Variants in ANKS1B observed in about 807,000 individuals in gnomAD.
ANKS1B encodes ankyrin repeat and sterile alpha motif domain containing 1B.
ANKS1B carries 36 observed loss-of-function variants against 148.3 expected under a neutral mutation model. The ratio of observed to expected loss-of-function variants is 0.24; its 90% CI spans 0.19 to 0.32. The LOEUF is 0.32. ANKS1B is among the 10% of genes least tolerant of loss of function. ANKS1B has a pLI of 1.00. For missense variants in ANKS1B, 1,157 were observed against 1,542.6 expected, an observed-to-expected ratio of 0.75 and a Z score of 4.19; for synonymous variants, 542 against 560.8, an observed-to-expected ratio of 0.97 and a Z score of 0.47.
At chr12:99,621,832 C>T (rs1422016402) in intron 9 of ANKS1B, among the ~76,000 whole-genome samples, 1 of 138,318 alleles carries the variant, frequency 7.2e-6, no homozygotes, top group Admixed American at 7.8e-5. Flanking sequence ...ATCCCACTGA[C>T]AGCATTAGAC....
intron 14 of ANKS1B, among the ~76,000 whole-genome samples, chr12:99,215,679 AG>A (rs2084052867): frequency 6.6e-6 from 1 of 152,230 alleles, no homozygotes; most frequent in African/African-American, 2.4e-5. Flanking sequence ...TGGGGCCTGT[AG>A]CCCCCTTGTT....
chr12:99,045,203 T>A (rs961601224), intron 17 of ANKS1B, among the ~76,000 whole-genome samples: 3 of 152,156 alleles, frequency 2.0e-5, no homozygotes, highest in African/African-American at 7.2e-5. Context: ...ATTACAAAAA[T>A]TTACTATATT....
chr12:99,463,835 C>A (rs796447428), intron 10 of ANKS1B, among the ~76,000 whole-genome samples: 1 of 152,166 alleles, frequency 6.6e-6, no homozygotes, highest in African/African-American at 2.4e-5. Flanking sequence ...GGCCTGCCTG[C>A]CTCTGTAGGC....
chr12:99,337,679 ATTTAAGACTTTGG>A (rs1480996945), intron 12 of ANKS1B, among the ~76,000 whole-genome samples: 2 of 152,224 alleles, frequency 1.3e-5, no homozygotes, highest in Non-Finnish European at 1.5e-5. Flanking sequence ...GAGTAATGTA[ATTTAAGACTTTGG>A]TTACTGCAGC....
At chr12:98,813,144 A>C (rs2099111081) in intron 19 of ANKS1B, among the ~76,000 whole-genome samples, 1 of 152,166 alleles carries the variant, frequency 6.6e-6, no homozygotes, top group Non-Finnish European at 1.5e-5. Context: ...TGAGAAAGAA[A>C]TATAATACCA....
At chr12:98,826,121 G>A (rs2099246831) in intron 19 of ANKS1B, among the ~76,000 whole-genome samples, 1 of 152,156 alleles carries the variant, frequency 6.6e-6, no homozygotes, top group African/African-American at 2.4e-5. Context: ...AACATGATAG[G>A]AAACCCATCA....
intron 12 of ANKS1B, among the ~76,000 whole-genome samples, chr12:99,276,687 G>T (rs965152792): frequency 1.3e-5 from 2 of 152,182 alleles, no homozygotes; most frequent in Non-Finnish European, 2.9e-5. Flanking sequence ...CCTAGTAAAA[G>T]TATACACCAT....
intron 17 of ANKS1B, among the ~76,000 whole-genome samples, chr12:98,914,541 T>C (rs1267576953): frequency 6.6e-6 from 1 of 152,082 alleles, no homozygotes; most frequent in Non-Finnish European, 1.5e-5. Context: ...AGCCTTGATA[T>C]TCTACCTTCC....
At chr12:99,712,778 C>G (rs2056811219) in intron 8 of ANKS1B, among the ~76,000 whole-genome samples, 1 of 152,202 alleles carries the variant, frequency 6.6e-6, no homozygotes, top group Non-Finnish European at 1.5e-5. Flanking sequence ...AAAGGGGTCA[C>G]TATTCCCATG....
At chr12:99,804,022 G>T (rs1270490186) in intron 4 of ANKS1B, among the ~76,000 whole-genome samples, 1 of 152,188 alleles carries the variant, frequency 6.6e-6, no homozygotes, top group East Asian at 1.9e-4. Flanking sequence ...CAGAAAAAAA[G>T]GACACATCAT....
At chr12:99,587,528 C>T (rs528585355) in intron 9 of ANKS1B, among the ~76,000 whole-genome samples, 60 of 152,186 alleles carry the variant, frequency 3.9e-4, no homozygotes, top group African/African-American at 1.1e-3. Flanking sequence ...TCTATCTTAG[C>T]GAATCAAACT....
intron 8 of ANKS1B, among the ~76,000 whole-genome samples, chr12:99,714,224 T>C (rs1303228380): frequency 6.7e-6 from 1 of 148,814 alleles, no homozygotes; most frequent in African/African-American, 2.5e-5. Flanking sequence ...TGTCATGGCA[T>C]TGCTTTTTAT....
intron 1 of ANKS1B, among the ~76,000 whole-genome samples, chr12:99,840,763 CATGT>C (rs1360261137): frequency 1.3e-5 from 2 of 152,050 alleles, no homozygotes; most frequent in African/African-American, 4.8e-5. Flanking sequence ...GTATAATAAT[CATGT>C]ATCTCTTCCT....
chr12:99,459,602 C>T lies in ANKS1B; in HGVS notation c.1439-15793G>A, dbSNP rs1282527137. On this transcript the variant is annotated intron_variant, in intron 10 of 26. Transcript: ENST00000683438. Reference sequence around the variant, plus strand: ...TAACATACACAAATCAGTAGCCTTGCTATACACCAACAGTTTTCAAGCTGA... The same window carrying T: ...TAACATACACAAATCAGTAGCCTTGTTATACACCAACAGTTTTCAAGCTGA... Among the ~76,000 whole-genome samples, 6 of 151,932 alleles carry T rather than the reference C, an allele frequency of 3.9e-5. No homozygotes were observed. The East Asian group carries it at 1.2e-3, about 29-fold the overall frequency.
chr12:99,646,026 T>TAAAAAAAAAAAAA (rs34337860), intron 9 of ANKS1B, among the ~76,000 whole-genome samples: 10 of 131,864 alleles, frequency 7.6e-5, no homozygotes, highest in Non-Finnish European at 6.4e-5. Flanking sequence ...AGAAAATCAG[T>TAAAAAAAAAAAAA]AAAAAAAAAA....
intron 17 of ANKS1B, among the ~76,000 whole-genome samples, chr12:98,953,041 G>C (rs1035251201): frequency 6.8e-6 from 1 of 147,604 alleles, no homozygotes; most frequent in African/African-American, 2.5e-5. Context: ...TTTTTTTTGA[G>C]ACAGAATCTC....
rs759821029 is a variant in ANKS1B at position 98,980,638 on chromosome 12, T to A, written c.2778+72519A>T. 2.1e-4 allele frequency among the ~76,000 whole-genome samples: 32 copies of A among 152,242 alleles called. 1 individual carries two copies. Among genetic ancestry groups the A allele is most frequent in the African/African-American group, 7.7e-4 (32 of 41,456 alleles). On this transcript the variant is annotated intron_variant, in intron 17 of 26. Transcript: ENST00000683438. ...TTGTATCTTGTCTAGTAATTTTTGA[T>A]AGAATGCTGAAGATTATAAATGCCA...
intron 9 of ANKS1B, among the ~76,000 whole-genome samples, chr12:99,560,966 C>T (rs907008154): frequency 1.3e-5 from 2 of 150,962 alleles, no homozygotes; most frequent in African/African-American, 4.9e-5. Flanking sequence ...CCTGCCTCAG[C>T]CTCCTGAGTA....
At chr12:99,561,609 CT>C (rs897737607) in intron 9 of ANKS1B, among the ~76,000 whole-genome samples, 2,148 of 148,876 alleles carry the variant, frequency 0.014, 55 homozygotes, top group African/African-American at 0.05. Flanking sequence ...CAAGAAACCA[CT>C]TTTTTTTTTG....
Sources: gnomAD v4.1 joint callset for allele counts (sites outside exome capture counted in the v4.1 genomes callset) on GRCh38, gnomAD v4.1.1 for gene constraint, MANE v1.5 for transcripts, NCBI Gene and HGNC (gene_info 2026-07-23, HGNC 2026-07-21) for gene names.